Variants in COX7B2 observed in about 807,000 individuals in gnomAD.
COX7B2 encodes the protein cytochrome c oxidase subunit 7B2, also known as cytochrome c oxidase subunit 7B2, mitochondrial.
For missense variants in COX7B2, 109 were observed against 95.9 expected (o/e 1.14, Z -0.57); for synonymous variants, 37 against 32.1 (o/e 1.15, Z -0.51).
At chr4:46,883,284 C>A (rs1186079809) in intron 1 of COX7B2, among the ~76,000 whole-genome samples, 2 of 152,128 alleles carry the variant, frequency 1.3e-5, no homozygotes, top group Admixed American at 1.3e-4. Flanking sequence ...TACCTAAATA[C>A]TTTGTAGATC....
chr4:46,821,910 G>GTTTGTTTGTTTGT (rs1714324821), intron 2 of COX7B2, among the ~76,000 whole-genome samples: 1 of 148,292 alleles, frequency 6.7e-6, no homozygotes, highest in African/African-American at 2.5e-5. Flanking sequence ...TGTTTGTTTT[G>GTTTGTTTGTTTGT]TTTGTTTGTT....
intron 2 of COX7B2, among the ~76,000 whole-genome samples, chr4:46,763,087 TTATAATATATAATAAATTATATA>T (rs1716309829): frequency 7.9e-6 from 1 of 127,366 alleles, no homozygotes; most frequent in Non-Finnish European, 1.6e-5. Context: ...ATATTACATA[TTATAATATATAATAAATTATATA>T]ATATATTACA....
intron 1 of COX7B2, among the ~76,000 whole-genome samples, chr4:46,878,901 A>G (rs946041325): frequency 2.0e-5 from 3 of 152,140 alleles, no homozygotes; most frequent in Non-Finnish European, 2.9e-5. Context: ...CCTAACAAAG[A>G]AGGCAAGGAC....
chr4:46,858,699 C>CGT (rs142998729), intron 1 of COX7B2, among the ~76,000 whole-genome samples: 84 of 151,384 alleles, frequency 5.5e-4, no homozygotes, highest in Non-Finnish European at 8.6e-4. Flanking sequence ...ATGAATGCTG[C>CGT]GTGTGTGTGT....
intron 2 of COX7B2, among the ~76,000 whole-genome samples, chr4:46,739,954 G>T (rs1470348447): frequency 6.6e-6 from 1 of 151,880 alleles, no homozygotes; most frequent in African/African-American, 2.4e-5. Context: ...CACAAACTTT[G>T]CTGTTGAGTT....
intron 2 of COX7B2, among the ~76,000 whole-genome samples, chr4:46,747,665 C>G (rs1715105832): frequency 6.6e-6 from 1 of 152,106 alleles, no homozygotes; most frequent in Non-Finnish European, 1.5e-5. Flanking sequence ...TTTTCAAACA[C>G]TTCTCCTTTA....
intron 1 of COX7B2, among the ~76,000 whole-genome samples, chr4:46,885,736 A>G (rs1719048280): frequency 6.6e-6 from 1 of 152,180 alleles, no homozygotes; most frequent in African/African-American, 2.4e-5. Context: ...TAAGCATTTA[A>G]TTCTTTCAGT....
At chr4:46,754,744 A>ATATATG (rs1715670194) in intron 2 of COX7B2, among the ~76,000 whole-genome samples, 1 of 134,148 alleles carries the variant, frequency 7.5e-6, no homozygotes, top group Admixed American at 7.9e-5. Context: ...ATATATATAT[A>ATATATG]TATATGAAAG....
intron 1 of COX7B2, among the ~76,000 whole-genome samples, chr4:46,907,928 A>G (rs1414235909): frequency 7.4e-6 from 1 of 135,848 alleles, no homozygotes; most frequent in Non-Finnish European, 1.5e-5. Flanking sequence ...ATCTCAGCTC[A>G]CTGCAACCTC....
chr4:46,868,860 G>A (rs1281649202), intron 1 of COX7B2, among the ~76,000 whole-genome samples: 2 of 152,150 alleles, frequency 1.3e-5, no homozygotes, highest in Non-Finnish European at 2.9e-5. Context: ...GTTTTTGGTG[G>A]AGAGCTTTGT....
At chr4:46,850,552 T>C (rs1716609007) in intron 1 of COX7B2, among the ~76,000 whole-genome samples, 1 of 152,120 alleles carries the variant, frequency 6.6e-6, no homozygotes. Flanking sequence ...TATTTTCCAC[T>C]TCCTAAAAGT....
Position 46,805,183 on chromosome 4 carries a change from C to CCT in COX7B2, c.-50+39775_-50+39776dup, listed in dbSNP as rs1209162310. Among the ~76,000 whole-genome samples, 9 of 152,342 alleles carry CCT rather than the reference C, an allele frequency of 5.9e-5. No homozygotes were observed. In the East Asian group the frequency reaches 1.4e-3, roughly 23 times the overall value. ...CACCCATGCCTCTCCCTCCACACCT[C>CCT]CTCGCAGGCTGAGGGAGCCGGCTCT... On this transcript the variant is annotated intron_variant, in intron 2 of 2. Coordinates refer to ENST00000355591, the MANE Select transcript of COX7B2 (RefSeq NM_130902.3).
At chr4:46,753,148 G>A (rs1715507738) in intron 2 of COX7B2, among the ~76,000 whole-genome samples, 1 of 152,134 alleles carries the variant, frequency 6.6e-6, no homozygotes. Flanking sequence ...AGTCTGGGGA[G>A]GATGTATGTG....
At chr4:46,781,635 C>T (rs959394242) in intron 2 of COX7B2, among the ~76,000 whole-genome samples, 2 of 152,224 alleles carry the variant, frequency 1.3e-5, no homozygotes, top group Admixed American at 6.5e-5. Flanking sequence ...TCTGGGCTGG[C>T]TGAGGCCGGA....
chr4:46,907,493 G>A (rs1720462652), intron 1 of COX7B2, among the ~76,000 whole-genome samples: 1 of 152,040 alleles, frequency 6.6e-6, no homozygotes, highest in South Asian at 2.1e-4. Context: ...CACTGTTTTT[G>A]CAATAATTGT....
chr4:46,799,312 G>A (rs2109617187), intron 2 of COX7B2, among the ~76,000 whole-genome samples: 1 of 152,238 alleles, frequency 6.6e-6, no homozygotes, highest in East Asian at 1.9e-4. Context: ...TGTGAAGAGA[G>A]ATAGTTTGAC....
intron 2 of COX7B2, among the ~76,000 whole-genome samples, chr4:46,805,002 G>T (rs1026290032): frequency 6.6e-6 from 1 of 152,206 alleles, no homozygotes; most frequent in Non-Finnish European, 1.5e-5. Context: ...GCTAAGGCCC[G>T]GCAAGAAGTC....
chr4:46,741,035 T>C (rs781397137), intron 2 of COX7B2, among the ~76,000 whole-genome samples: 1 of 152,094 alleles, frequency 6.6e-6, no homozygotes, highest in Non-Finnish European at 1.5e-5. Flanking sequence ...GGGGGAGGCA[T>C]CTTCAAAAGG....
chr4:46,753,814 T>C (rs187006642), intron 2 of COX7B2, among the ~76,000 whole-genome samples: 13 of 152,058 alleles, frequency 8.5e-5, no homozygotes, highest in Non-Finnish European at 5.9e-5. Context: ...AATCTACCCA[T>C]CTGACAAAGG....
Sources: allele counts gnomAD v4.1 joint callset (sites outside exome capture counted in the v4.1 genomes callset), GRCh38; gene constraint gnomAD v4.1.1; transcripts MANE v1.5; gene names NCBI Gene and HGNC (gene_info 2026-07-23, HGNC 2026-07-21).